The following NRXN1 variants were observed in gnomAD, a reference collection of about 807,000 sequenced individuals.
NRXN1 encodes the protein neurexin-1.
In NRXN1, 39 loss-of-function variants were observed where a neutral mutation model predicts 150.9. That is an observed-to-expected ratio of 0.26 (90% confidence interval 0.20 to 0.34). The LOEUF (loss-of-function observed/expected upper bound fraction) is 0.34. Ranked by LOEUF, NRXN1 falls within the 10% of genes least tolerant of loss-of-function variation. NRXN1 has a pLI of 1.00. For synonymous variants in NRXN1, 924 were observed against 757.0 expected, an observed-to-expected ratio of 1.22 and a Z score of -3.62; for missense variants, 1,815 against 1,949.9, an observed-to-expected ratio of 0.93 and a Z score of 1.30.
chr2:49,973,671 A>T, intron 21 of NRXN1: 1 of 390,316 alleles, frequency 2.6e-6, no homozygotes. Context: ...TGCCACAAGC[A>T]TGCTGATAAA....
intron 21 of NRXN1, among the ~76,000 whole-genome samples, chr2:50,008,549 C>T (rs550673086): frequency 5.3e-5 from 8 of 149,634 alleles, no homozygotes; most frequent in Admixed American, 2.0e-4. Context: ...CTGTGAGCTC[C>T]GAGGATGGCA....
chr2:49,948,034 T>C (rs1673263547), intron 21 of NRXN1, among the ~76,000 whole-genome samples: 1 of 152,084 alleles, frequency 6.6e-6, no homozygotes, highest in Admixed American at 6.6e-5. Flanking sequence ...ATGTTAAAAT[T>C]TGTATCAAAA....
At chr2:50,254,262 C>A (rs925607282) in intron 17 of NRXN1, among the ~76,000 whole-genome samples, 1 of 151,064 alleles carries the variant, frequency 6.6e-6, no homozygotes, top group Non-Finnish European at 1.5e-5. Flanking sequence ...GTGATGATAT[C>A]CCCTTTATCA....
chr2:50,942,327 C>A (rs901130010), intron 2 of NRXN1, among the ~76,000 whole-genome samples: 1 of 152,188 alleles, frequency 6.6e-6, no homozygotes, highest in Admixed American at 6.5e-5. Context: ...TTGGAGCCCC[C>A]ACAAAGAGTT....
intron 5 of NRXN1, among the ~76,000 whole-genome samples, chr2:50,757,411 A>T (rs934058858): frequency 6.6e-6 from 1 of 151,862 alleles, no homozygotes; most frequent in Non-Finnish European, 1.5e-5. Flanking sequence ...TGAATAACTC[A>T]ACTGTAAAGA....
chr2:51,013,215 A>G (rs1668159477), intron 2 of NRXN1, among the ~76,000 whole-genome samples: 3 of 151,990 alleles, frequency 2.0e-5, no homozygotes, highest in Admixed American at 2.0e-4. Flanking sequence ...GTTTAAGGAA[A>G]CATGAAACTG....
At chr2:50,392,823 T>C (rs1053310889) in intron 17 of NRXN1, among the ~76,000 whole-genome samples, 2 of 152,078 alleles carry the variant, frequency 1.3e-5, no homozygotes, top group African/African-American at 4.8e-5. Flanking sequence ...AGGTAGTGTA[T>C]TAAAAGCAAA....
intron 17 of NRXN1, among the ~76,000 whole-genome samples, chr2:50,445,922 T>C (rs2086361191): frequency 6.6e-6 from 1 of 152,180 alleles, no homozygotes; most frequent in Admixed American, 6.5e-5. Flanking sequence ...AGATAGGTCC[T>C]GAAACATGGT....
chr2:50,389,160 T>A (rs2081521392), intron 17 of NRXN1, among the ~76,000 whole-genome samples: 1 of 151,662 alleles, frequency 6.6e-6, no homozygotes, highest in African/African-American at 2.4e-5. Context: ...CGAGGCCCTG[T>A]CTCAAGACAA....
chr2:50,764,667 C>G (rs1702190811), intron 5 of NRXN1, among the ~76,000 whole-genome samples: 1 of 151,904 alleles, frequency 6.6e-6, no homozygotes, highest in Non-Finnish European at 1.5e-5. Flanking sequence ...TGAACCCTGG[C>G]AATAGAGCAC....
chr2:50,164,163 T>G (rs1024893947), intron 18 of NRXN1, among the ~76,000 whole-genome samples: 1 of 152,192 alleles, frequency 6.6e-6, no homozygotes, highest in Non-Finnish European at 1.5e-5. Flanking sequence ...TTATTGTAAT[T>G]ACATCTAATA....
At chr2:50,939,617 G>A (rs1689103545) in intron 2 of NRXN1, among the ~76,000 whole-genome samples, 1 of 151,930 alleles carries the variant, frequency 6.6e-6, no homozygotes, top group Non-Finnish European at 1.5e-5. Context: ...TATTTAAGAT[G>A]GCATTCTCAG....
chr2:50,821,036 T>C (rs925992412), intron 5 of NRXN1, among the ~76,000 whole-genome samples: 1 of 152,136 alleles, frequency 6.6e-6, no homozygotes, highest in Non-Finnish European at 1.5e-5. Context: ...CCCAACAACA[T>C]ATTTATTTAG....
intron 2 of NRXN1, among the ~76,000 whole-genome samples, chr2:51,019,936 T>C (rs1669328288): frequency 6.6e-6 from 1 of 152,040 alleles, no homozygotes; most frequent in African/African-American, 2.4e-5. Flanking sequence ...TACAAATATT[T>C]GACTTTTATA....
intron 18 of NRXN1, among the ~76,000 whole-genome samples, chr2:50,135,545 G>A (rs1386584407): frequency 6.6e-6 from 1 of 152,092 alleles, no homozygotes; most frequent in African/African-American, 2.4e-5. Flanking sequence ...CAAAAAATTA[G>A]CCAGGCATGG....
In NRXN1 at chr2:50,374,401, C is replaced by A. The variant is rs1349861878; in HGVS notation, c.3364+91041G>T. ...TGCCTGTTCTCTTACTTGTGTGTGA[C>A]TGATAAAATCTGAGATTATAATTAA... On this transcript the variant is annotated intron_variant, in intron 17 of 22. Transcript: ENST00000401669. Among the ~76,000 whole-genome samples, 3 of 151,868 alleles carry A rather than the reference C, an allele frequency of 2.0e-5. No individual in the cohort carries two copies. The East Asian group carries it at 5.8e-4, about 29-fold the overall frequency.
chr2:50,369,239 A>G (rs2079828989), intron 17 of NRXN1, among the ~76,000 whole-genome samples: 1 of 152,006 alleles, frequency 6.6e-6, no homozygotes, highest in Non-Finnish European at 1.5e-5. Context: ...ATAAAAGGAC[A>G]TTTAAAATAA....
At chr2:50,311,262 T>C (rs184536747) in intron 17 of NRXN1, among the ~76,000 whole-genome samples, 142 of 152,208 alleles carry the variant, frequency 9.3e-4, no homozygotes, top group African/African-American at 3.3e-3. Context: ...ACTTTTCAAT[T>C]TAACAAAATA....
In NRXN1 at chr2:50,531,346, G is replaced by A; in HGVS notation, c.2228C>T (p.Ser743Phe). ...VVMHTEAEDVSLRFRSQRAYG... is the reference protein window; with the variant it reads ...VVMHTEAEDVFLRFRSQRAYG... ...TGCACGCTGGGATCGGAACCGTAAGGAAACATCCTCAGCCTCCGTATGCAT... is the reference window on the plus strand; with the variant it reads ...TGCACGCTGGGATCGGAACCGTAAGAAAACATCCTCAGCCTCCGTATGCAT... The change falls in exon 11 of 23, where the codon TCC becomes TTC. Residue 743 changes from serine to phenylalanine, a missense_variant. Physicochemically the swap from Ser to Phe is radical, Grantham distance 155. This residue lies in a region of NRXN1 where 638 missense variants were observed against 652.6 expected (regional missense o/e 0.98). Coordinates refer to ENST00000401669, the MANE Select transcript of NRXN1 (RefSeq NM_001330078.2). 1 of 1,613,304 alleles carries A rather than the reference G, an allele frequency of 6.2e-7. No homozygotes were observed. Among genetic ancestry groups the A allele is most frequent in the Non-Finnish European group, 8.5e-7 (1 of 1,179,664 alleles).
Sources: gnomAD v4.1 joint callset for allele counts (sites outside exome capture counted in the v4.1 genomes callset) on GRCh38, gnomAD v4.1.1 for gene constraint, gnomAD v4.1.1 regional missense constraint, MANE v1.5 for transcripts, NCBI Gene and HGNC (gene_info 2026-07-23, HGNC 2026-07-21) for gene names.